DMC1: variants seen among roughly 807,000 people sequenced by gnomAD.
The protein encoded by DMC1 is DNA meiotic recombinase 1.
A neutral mutation model predicts 50.1 loss-of-function variants in DMC1; 27 were observed. The ratio of observed to expected loss-of-function variants is 0.54; its 90% CI spans 0.40 to 0.74. DMC1 has a LOEUF of 0.74. Among genes scored for constraint, DMC1 ranks in the 30% least tolerant of loss-of-function variants. The pLI is 0.00. For missense variants in DMC1, 295 were observed against 420.2 expected (o/e 0.70, Z 2.60); for synonymous variants, 148 against 136.1 (o/e 1.09, Z -0.61).
At chr22:38,561,475 T>A (rs1284467042) in intron 5 of DMC1, among the ~76,000 whole-genome samples, 1 of 152,078 alleles carries the variant, frequency 6.6e-6, no homozygotes, top group Admixed American at 6.6e-5. Flanking sequence ...AGTTAGGGTG[T>A]GTGAGAGAAA....
chr22:38,558,355 A>G (rs1426253225), intron 5 of DMC1, among the ~76,000 whole-genome samples: 1 of 152,170 alleles, frequency 6.6e-6, no homozygotes, highest in African/African-American at 2.4e-5. Context: ...TGCTAGATTT[A>G]TAAAGGGACT....
At chr22:38,566,883 C>A (rs2090586403) in intron 3 of DMC1, 147 bp from the exon 4 acceptor site, 1 of 772,546 alleles carries the variant, frequency 1.3e-6, no homozygotes, top group Non-Finnish European at 2.2e-6. Context: ...CACCATGTAG[C>A]CAAATGTTCT....
chr22:38,537,600 T>C lies in DMC1; in HGVS notation c.828A>G (p.Ala276=). The change falls in exon 12 of 14, where the codon GCA becomes GCG. Residue 276 remains alanine (A), a synonymous_variant. Coordinates refer to ENST00000216024, the MANE Select transcript of DMC1 (RefSeq NM_007068.4). ...AGAATATTGGGGCTTACGTCATAGT[T>C]GCTCCTGGATCGGCAGTCATTTGAT... ...VTNQMTADPG[A]TMTFQADPKK... The C allele has an allele frequency of 6.2e-7, 1 of 1,613,806 alleles. No individual in the cohort carries two copies. Among genetic ancestry groups the C allele is most frequent in the South Asian group, 1.1e-5 (1 of 91,062 alleles).
intron 12 of DMC1, among the ~76,000 whole-genome samples, chr22:38,528,211 G>A (rs373866561): frequency 2.6e-5 from 4 of 151,558 alleles, no homozygotes; most frequent in African/African-American, 7.3e-5. Context: ...ACAGGTGTGC[G>A]CCATCACACT....
chr22:38,530,627 TA>T (rs1478367329), intron 12 of DMC1, among the ~76,000 whole-genome samples: 2 of 152,246 alleles, frequency 1.3e-5, no homozygotes, highest in East Asian at 3.9e-4. Flanking sequence ...AAGTAATCAA[TA>T]AACATAAATT....
chr22:38,520,997 A>G (rs1011308126), intron 13 of DMC1, among the ~76,000 whole-genome samples: 23 of 151,804 alleles, frequency 1.5e-4, no homozygotes, highest in Non-Finnish European at 3.2e-4. Context: ...CGGCCTCCCA[A>G]AAGTGCTAGG....
chr22:38,539,235 G>C, intron 9 of DMC1, 86 bp downstream of exon 9: 1 of 948,520 alleles, frequency 1.1e-6, no homozygotes, highest in Non-Finnish European at 1.7e-6. Context: ...TAGAAAAAAA[G>C]TATCAAAATG....
chr22:38,520,192 G>T, intron 13 of DMC1, 103 bp from the exon 14 acceptor site: 1 of 978,798 alleles, frequency 1.0e-6, no homozygotes, highest in Non-Finnish European at 1.6e-6. Flanking sequence ...AATCTCCAGA[G>T]ACATCTCAGA....
At chr22:38,567,376 C>A (rs940267271) in intron 3 of DMC1, among the ~76,000 whole-genome samples, 1 of 152,206 alleles carries the variant, frequency 6.6e-6, no homozygotes, top group East Asian at 1.9e-4. Flanking sequence ...ATACACTTGA[C>A]AATGTCTGGA....
chr22:38,557,794 ACATT>A lies in DMC1; in HGVS notation c.327-2389_327-2386del, dbSNP rs1347786054. 2.0e-5 allele frequency among the ~76,000 whole-genome samples: 3 copies of A among 152,112 alleles called. No individual in the cohort carries two copies. The East Asian group carries it at 5.8e-4, about 29-fold the overall frequency. Reference sequence around the variant, plus strand: ...ATTGGCCTCTGACTGATTAAATGGTACATTCCTTCAATTTTCAAGTTGATAACTA... The same window carrying A: ...ATTGGCCTCTGACTGATTAAATGGTACCTTCAATTTTCAAGTTGATAACTA... On this transcript the variant is annotated intron_variant, in intron 5 of 13. Transcript: ENST00000216024.
At chr22:38,529,724 A>G (rs999829191) in intron 12 of DMC1, among the ~76,000 whole-genome samples, 3 of 152,106 alleles carry the variant, frequency 2.0e-5, no homozygotes, top group African/African-American at 4.8e-5. Context: ...ACACATTTTT[A>G]AATTCTGGAA....
intron 5 of DMC1, among the ~76,000 whole-genome samples, chr22:38,559,283 G>A (rs1054183253): frequency 1.3e-5 from 2 of 152,036 alleles, no homozygotes; most frequent in Non-Finnish European, 2.9e-5. Context: ...CACCCGCCTC[G>A]GCCTCCCAAA....
At chr22:38,537,784 T>A in intron 11 of DMC1, 132 bp from the exon 12 acceptor site, 1 of 673,570 alleles carries the variant, frequency 1.5e-6, no homozygotes, top group Non-Finnish European at 2.6e-6. Context: ...TATTCCTATT[T>A]TTCATTGACA....
the DMC1 span, among the ~76,000 whole-genome samples, chr22:38,510,214 G>A: frequency 2.6e-5 from 4 of 151,922 alleles, no homozygotes; most frequent in South Asian, 2.1e-4. Context: ...AGCACTTTGC[G>A]GGGCTGAGGT....
chr22:38,537,474 A>G (rs1443793968), intron 12 of DMC1, 118 bp downstream of exon 12: 27 of 894,134 alleles, frequency 3.0e-5, no homozygotes, highest in Non-Finnish European at 4.2e-5. Flanking sequence ...AGCCTGCTAA[A>G]GTGCTGGAAT....
At chr22:38,515,928 T>C (rs993729863), downstream of DMC1, among the ~76,000 whole-genome samples, 1 of 152,202 alleles carries the variant, frequency 6.6e-6, no homozygotes, top group African/African-American at 2.4e-5. Context: ...GGTAACAGTA[T>C]GTTTCTGTGG....
chr22:38,548,078 T>C (rs11570418), intron 8 of DMC1, among the ~76,000 whole-genome samples: 1,592 of 152,318 alleles, frequency 0.01, 36 homozygotes, highest in African/African-American at 0.037. Flanking sequence ...ACTTCCTCTG[T>C]CTCTGGGTTT....
chr22:38,537,984 T>C (rs2090234159), intron 11 of DMC1, among the ~76,000 whole-genome samples: 1 of 151,762 alleles, frequency 6.6e-6, no homozygotes, highest in Non-Finnish European at 1.5e-5. Flanking sequence ...CTCTACTAAA[T>C]ATACAAAAAA....
rs751510453 is a variant in DMC1, at chr22:38,552,632, G to A, written c.421+34C>T. 9.8e-6 allele frequency: 14 copies of A among 1,426,562 alleles called. No individual in the cohort carries two copies. The South Asian group carries it at 1.6e-4, about 16-fold the overall frequency. The allele number at this position is 1,426,562 out of a possible 1,614,324, so 88.4% of individuals were successfully genotyped here. On this transcript the variant is annotated intron_variant, in intron 7 of 13. Transcript: ENST00000216024. ...TAGATGTTTGATAAGTAATAGCCAT[G>A]ATTATTATTGTTATTGTTGTTATAT...
Sources: allele counts gnomAD v4.1 joint callset (sites outside exome capture counted in the v4.1 genomes callset), GRCh38; gene constraint gnomAD v4.1.1; transcripts MANE v1.5; gene names NCBI Gene and HGNC (gene_info 2026-07-23, HGNC 2026-07-21).